PRKD1: variants seen among roughly 807,000 people sequenced by gnomAD.
The protein encoded by PRKD1 is protein kinase D1.
A neutral mutation model predicts 95.9 loss-of-function variants in PRKD1; 63 were observed. The ratio of observed to expected loss-of-function variants is 0.66; its 90% CI spans 0.54 to 0.81. The LOEUF is 0.81. Ranked by LOEUF, PRKD1 falls within the 30% of genes least tolerant of loss-of-function variation. The pLI is 0.00. For synonymous variants in PRKD1, 425 were observed against 423.1 expected, an observed-to-expected ratio of 1.00 and a Z score of -0.05; for missense variants, 1,048 against 1,165.3, an observed-to-expected ratio of 0.90 and a Z score of 1.47.
chr14:29,676,063 G>A (rs752898127), intron 2 of PRKD1, among the ~76,000 whole-genome samples: 136 of 151,840 alleles, frequency 9.0e-4, no homozygotes, highest in Admixed American at 2.9e-3. Context: ...CACCAACATG[G>A]CATATGTAAC....
At chr14:29,759,614 G>T (rs1887879849) in intron 1 of PRKD1, among the ~76,000 whole-genome samples, 1 of 152,302 alleles carries the variant, frequency 6.6e-6, no homozygotes, top group South Asian at 2.1e-4. Context: ...GATTAAGTTT[G>T]AGTGTCATTT....
At position 29,927,340 on chromosome 14, in the gene PRKD1, C is replaced by A. The variant is rs775924887; in HGVS notation, c.173G>T (p.Ser58Ile). 3 of 1,567,002 alleles carry A rather than the reference C, an allele frequency of 1.9e-6. No individual in the cohort carries two copies. The highest frequency in any genetic ancestry group is 2.6e-6 in the Non-Finnish European group (3 of 1,158,744). ...GISFHLQIGLSREPVLLLQDS... is the reference protein window; with the variant it reads ...GISFHLQIGLIREPVLLLQDS... ...CTGCAGCAGCAGCACCGGCTCACGG[C>A]TCAGGCCGATCTGCAGATGGAACGA... Residue 58 changes from serine (S) to isoleucine (I), a missense_variant, in exon 1 of 18, where the codon AGC (serine) becomes ATC (isoleucine). By Grantham distance (142) the Ser-to-Ile change is moderately radical. Around this residue, in one of 3 missense-constraint regions of PRKD1, gnomAD observed 275 missense variants for 248.6 expected, o/e 1.11. Coordinates refer to ENST00000331968, the MANE Select transcript of PRKD1 (RefSeq NM_002742.3).
chr14:29,857,111 C>A (rs929190411), intron 1 of PRKD1, among the ~76,000 whole-genome samples: 4 of 152,124 alleles, frequency 2.6e-5, no homozygotes, highest in Admixed American at 6.5e-5. Context: ...TCTTATGAAC[C>A]CTTCAGGACT....
chr14:29,835,534 G>A (rs1005307899), intron 1 of PRKD1, among the ~76,000 whole-genome samples: 2 of 151,872 alleles, frequency 1.3e-5, no homozygotes, highest in African/African-American at 4.8e-5. Flanking sequence ...TCACCTCCAG[G>A]CTTTGCTTTT....
intron 1 of PRKD1, among the ~76,000 whole-genome samples, chr14:29,730,720 C>T (rs1470644742): frequency 6.6e-6 from 1 of 152,068 alleles, no homozygotes; most frequent in Non-Finnish European, 1.5e-5. Flanking sequence ...ACATTCCGGA[C>T]ATGATTAAAC....
At chr14:29,663,557 A>G (rs1352042914) in intron 4 of PRKD1, 142 bp downstream of exon 4, 4 of 893,572 alleles carry the variant, frequency 4.5e-6, no homozygotes, top group Non-Finnish European at 6.7e-6. Context: ...ACCAATCTAC[A>G]GCACAAGCCC....
chr14:29,674,685 T>C (rs1039559098), intron 2 of PRKD1, among the ~76,000 whole-genome samples: 7 of 152,202 alleles, frequency 4.6e-5, no homozygotes, highest in Admixed American at 1.3e-4. Flanking sequence ...GCTTTATACC[T>C]TTAAAAGGAT....
rs1566623110 is a variant in PRKD1, at chr14:29,826,830, T to TAC, written c.264+100418_264+100419insGT. On this transcript the variant is annotated intron_variant, in intron 1 of 17. Transcript: ENST00000331968. ...ATATATATACACATATATATATATA[T>TAC]ATATATATACACACATATATATATA... Among the ~76,000 whole-genome samples the TAC allele has an allele frequency of 5.4e-4, 15 of 27,888 alleles. 3 individuals are homozygous for TAC. Among genetic ancestry groups the TAC allele is most frequent in the African/African-American group, 2.1e-3 (15 of 7,268 alleles). 18.3% of individuals were successfully genotyped at this position (27,888 alleles called of 152,430 possible).
chr14:29,649,003 T>A (rs1295106306), intron 4 of PRKD1, among the ~76,000 whole-genome samples: 1 of 152,142 alleles, frequency 6.6e-6, no homozygotes, highest in East Asian at 1.9e-4. Flanking sequence ...ATTTTTTTTA[T>A]ATTGATTGCT....
chr14:29,687,016 G>A (rs1883918647), intron 2 of PRKD1, among the ~76,000 whole-genome samples: 1 of 151,952 alleles, frequency 6.6e-6, no homozygotes, highest in Non-Finnish European at 1.5e-5. Flanking sequence ...AGGTTGCTGT[G>A]GCTTGCTGGC....
At chr14:29,791,077 AATAC>A (rs769391425) in intron 1 of PRKD1, among the ~76,000 whole-genome samples, 8 of 152,200 alleles carry the variant, frequency 5.3e-5, no homozygotes, top group Non-Finnish European at 7.3e-5. Flanking sequence ...AACTTCAACA[AATAC>A]ATACACAAAA....
At chr14:29,603,976 G>A (rs1893614622) in intron 13 of PRKD1, among the ~76,000 whole-genome samples, 1 of 152,150 alleles carries the variant, frequency 6.6e-6, no homozygotes, top group Non-Finnish European at 1.5e-5. Flanking sequence ...TTGTTTCGAT[G>A]CCTGGGAGGA....
At chr14:29,766,657 T>A in intron 1 of PRKD1, among the ~76,000 whole-genome samples, 1 of 152,216 alleles carries the variant, frequency 6.6e-6, no homozygotes. Context: ...AATATCTTTT[T>A]AAAATGTATT....
chr14:29,899,333 A>G (rs937064053), intron 1 of PRKD1, among the ~76,000 whole-genome samples: 4 of 152,144 alleles, frequency 2.6e-5, no homozygotes, highest in African/African-American at 4.8e-5. Flanking sequence ...CACCTTATAC[A>G]TTGGGAGGTT....
At chr14:29,822,013 T>C (rs901523898) in intron 1 of PRKD1, among the ~76,000 whole-genome samples, 2 of 152,178 alleles carry the variant, frequency 1.3e-5, no homozygotes, top group Non-Finnish European at 2.9e-5. Flanking sequence ...CTGTAATCAG[T>C]AACTCAGCAC....
chr14:29,632,606 TA>T (rs1246038180), intron 9 of PRKD1, among the ~76,000 whole-genome samples: 1 of 152,080 alleles, frequency 6.6e-6, no homozygotes, highest in African/African-American at 2.4e-5. Flanking sequence ...CATATTCAAT[TA>T]ATCTTCACCT....
At chr14:29,746,921 T>C (rs962152710) in intron 1 of PRKD1, among the ~76,000 whole-genome samples, 2 of 152,198 alleles carry the variant, frequency 1.3e-5, no homozygotes, top group Non-Finnish European at 2.9e-5. Context: ...AATTTGTAAA[T>C]TGACATATTT....
intron 1 of PRKD1, among the ~76,000 whole-genome samples, chr14:29,851,227 G>A (rs911467661): frequency 9.2e-5 from 14 of 152,090 alleles, no homozygotes; most frequent in African/African-American, 2.6e-4. Flanking sequence ...TTGACAAGTG[G>A]GATTCAGTTA....
intron 1 of PRKD1, among the ~76,000 whole-genome samples, chr14:29,831,137 G>GT (rs1891394044): frequency 1.3e-5 from 2 of 152,202 alleles, no homozygotes; most frequent in Non-Finnish European, 2.9e-5. Flanking sequence ...CAGGCACAGA[G>GT]TTAAGTGCTC....
Sources: allele counts gnomAD v4.1 joint callset (sites outside exome capture counted in the v4.1 genomes callset), GRCh38; gene constraint gnomAD v4.1.1; regional missense constraint gnomAD v4.1.1; transcripts MANE v1.5; gene names NCBI Gene and HGNC (gene_info 2026-07-23, HGNC 2026-07-21).